MYO3B: variants seen among roughly 807,000 people sequenced by gnomAD.
The protein encoded by MYO3B is myosin-IIIb.
In MYO3B, 156 loss-of-function variants were observed where a neutral mutation model predicts 174.6. The ratio of observed to expected loss-of-function variants is 0.89; its 90% CI spans 0.78 to 1.02. The LOEUF is 1.02. MYO3B is among the 50% of genes least tolerant of loss of function. MYO3B has a pLI of 0.00. For synonymous variants in MYO3B, 563 were observed against 569.1 expected (o/e 0.99, Z 0.15); for missense variants, 1,632 against 1,639.4 (o/e 1.00, Z 0.08).
chr2:170,410,892 GAAA>G (rs368708763), intron 22 of MYO3B, among the ~76,000 whole-genome samples: 1 of 150,536 alleles, frequency 6.6e-6, no homozygotes, highest in East Asian at 1.9e-4. Flanking sequence ...AATACAAAGA[GAAA>G]AAAAAAGCTT....
At chr2:170,208,462 C>T (rs917461960) in intron 3 of MYO3B, among the ~76,000 whole-genome samples, 1 of 152,116 alleles carries the variant, frequency 6.6e-6, no homozygotes, top group Non-Finnish European at 1.5e-5. Flanking sequence ...GTGATGGGCA[C>T]CCTATTTATA....
In MYO3B at chr2:170,631,271, G is replaced by A. The variant is rs192074041; in HGVS notation, c.3734-20357G>A. 5.3e-5 allele frequency among the ~76,000 whole-genome samples: 8 copies of A among 152,262 alleles called. No homozygotes were observed. The East Asian group carries it at 1.2e-3, about 22-fold the overall frequency. ...GATGAATGCACAAGCTTCAGTAGCC[G>A]ACTCTATCAACTGGAAGAAAGGGTA... is the stretch of plus-strand genomic sequence containing the variant. On this transcript the variant is annotated intron_variant, in intron 32 of 34. Transcript: ENST00000408978.
intron 23 of MYO3B, among the ~76,000 whole-genome samples, chr2:170,446,749 G>T (rs911257919): frequency 6.6e-6 from 1 of 152,068 alleles, no homozygotes; most frequent in Non-Finnish European, 1.5e-5. Flanking sequence ...CCCATCAAAA[G>T]GTTTATGGCT....
intron 7 of MYO3B, among the ~76,000 whole-genome samples, chr2:170,259,090 A>G (rs1486515275): frequency 6.6e-6 from 1 of 152,208 alleles, no homozygotes; most frequent in Non-Finnish European, 1.5e-5. Context: ...AAAACATTCC[A>G]TGCTCATGGA....
intron 29 of MYO3B, 56 bp downstream of exon 29, chr2:170,515,078 A>T: frequency 6.7e-7 from 1 of 1,488,046 alleles, no homozygotes; most frequent in Non-Finnish European, 9.3e-7. Context: ...ATTCCGGAGA[A>T]GGTTCCAAAG....
At chr2:170,501,673 G>A (rs921241609) in intron 27 of MYO3B, 112 bp from the exon 28 acceptor site, 19 of 670,940 alleles carry the variant, frequency 2.8e-5, no homozygotes, top group Non-Finnish European at 4.5e-5. Context: ...CAGTGAGAAA[G>A]CAGGAGGGAG....
chr2:170,477,035 G>C (rs1181141731), intron 25 of MYO3B, among the ~76,000 whole-genome samples: 2 of 152,086 alleles, frequency 1.3e-5, no homozygotes, highest in Admixed American at 1.3e-4. Context: ...AGCTTCCTTA[G>C]ACTTTTGGGG....
At chr2:170,603,682 G>A (rs1694649732) in intron 32 of MYO3B, among the ~76,000 whole-genome samples, 1 of 152,134 alleles carries the variant, frequency 6.6e-6, no homozygotes, top group Non-Finnish European at 1.5e-5. Context: ...TTTAGGCAAA[G>A]GTTTTGTGTA....
intron 32 of MYO3B, among the ~76,000 whole-genome samples, chr2:170,634,736 A>T (rs575346757): frequency 6.6e-6 from 1 of 152,320 alleles, no homozygotes; most frequent in East Asian, 1.9e-4. Flanking sequence ...AAAGGGCTGA[A>T]ATCCAGAATC....
At chr2:170,647,018 C>T (rs1698435704) in intron 32 of MYO3B, 3 of 838,272 alleles carry the variant, frequency 3.6e-6, no homozygotes, top group South Asian at 1.4e-5. Flanking sequence ...TCATATGGAA[C>T]GTTTTACTTT....
At chr2:170,569,436 T>C (rs1445814438) in intron 32 of MYO3B, among the ~76,000 whole-genome samples, 1 of 152,152 alleles carries the variant, frequency 6.6e-6, no homozygotes, top group African/African-American at 2.4e-5. Context: ...ACTTGAATTG[T>C]ATGCTAATTC....
rs71399532 is a variant in MYO3B, at chr2:170,399,242, C to CAA, written c.1792-923_1792-922dup. ...GGGCAACAAGAGCGAAATTCCGTCT[C>CAA]AAAAAAAAAAAAAAAAAAAAAAAAG... On this transcript the variant is annotated intron_variant, in intron 16 of 34. Coordinates refer to ENST00000408978, the MANE Select transcript of MYO3B (RefSeq NM_138995.5). Among the ~76,000 whole-genome samples, 138 of 14,934 alleles carry CAA rather than the reference C, an allele frequency of 9.2e-3. 5 individuals carry two copies. The highest frequency in any genetic ancestry group is 0.01 in the South Asian group (3 of 286). The allele number at this position is 14,934 out of a possible 152,430, so 9.8% of individuals were successfully genotyped here.
At chr2:170,379,192 CA>C (rs1358540338) in intron 9 of MYO3B, among the ~76,000 whole-genome samples, 969 of 94,052 alleles carry the variant, frequency 0.01, 21 homozygotes, top group Non-Finnish European at 0.015. Context: ...AAATGTGGTA[CA>C]ATTTTTTTTT....
intron 25 of MYO3B, 49 bp from the exon 26 acceptor site, chr2:170,498,543 G>A (rs1257514476): frequency 2.3e-6 from 3 of 1,308,618 alleles, no homozygotes; most frequent in South Asian, 1.2e-5. Flanking sequence ...CTACTATGCT[G>A]AGTCAAATGG....
At chr2:170,478,773 G>A (rs542113207) in intron 25 of MYO3B, among the ~76,000 whole-genome samples, 1 of 149,818 alleles carries the variant, frequency 6.7e-6, no homozygotes, top group African/African-American at 2.5e-5. Flanking sequence ...GTTTCACCAT[G>A]TTGGCCAGGC....
chr2:170,635,195 A>G (rs1436618426), intron 32 of MYO3B, among the ~76,000 whole-genome samples: 1 of 152,264 alleles, frequency 6.6e-6, no homozygotes, highest in Non-Finnish European at 1.5e-5. Flanking sequence ...CACAGTATCA[A>G]AGACTTGCAA....
rs772540526 is a variant in MYO3B at position 170,387,145 on chromosome 2, A to C, written c.1414A>C (p.Asn472His). 2.2e-5 allele frequency: 35 copies of C among 1,614,122 alleles called. No homozygotes were observed. In the East Asian group the frequency reaches 7.1e-4, roughly 33 times the overall value. Residue 472 changes from asparagine (N) to histidine (H), a missense_variant, in exon 14 of 35, where the codon AAC becomes CAC. Transcript: ENST00000408978. ...QTLREKILQV[N>H]SLVEAFGNSC... ...CTTGAGAGAGAAAATTCTACAAGTCAACTCCCTGGTGGAAGCCTTTGGGAA... is the reference window on the plus strand; with the variant it reads ...CTTGAGAGAGAAAATTCTACAAGTCCACTCCCTGGTGGAAGCCTTTGGGAA...
intron 7 of MYO3B, among the ~76,000 whole-genome samples, chr2:170,319,360 T>C (rs1009821628): frequency 6.6e-6 from 1 of 152,168 alleles, no homozygotes; most frequent in African/African-American, 2.4e-5. Flanking sequence ...ACCCCAATGA[T>C]GGTGAAAAGT....
intron 7 of MYO3B, among the ~76,000 whole-genome samples, chr2:170,276,824 A>G (rs757392585): frequency 1.2e-4 from 18 of 152,154 alleles, no homozygotes; most frequent in Non-Finnish European, 2.1e-4. Flanking sequence ...AATATAAAGC[A>G]ACTGTTTTTT....
Sources: gnomAD v4.1 joint callset for allele counts (sites outside exome capture counted in the v4.1 genomes callset) on GRCh38, gnomAD v4.1.1 for gene constraint, MANE v1.5 for transcripts, NCBI Gene and HGNC (gene_info 2026-07-23, HGNC 2026-07-21) for gene names.